Variants in PRR5L observed in about 807,000 individuals in gnomAD.
The protein encoded by PRR5L is proline-rich protein 5-like.
Under a neutral mutation model 36.4 loss-of-function variants are expected in PRR5L, and 21 were observed. The ratio of observed to expected loss-of-function variants is 0.58; its 90% CI spans 0.41 to 0.83. The LOEUF is 0.83. Ranked by LOEUF, PRR5L falls within the 40% of genes least tolerant of loss-of-function variation. The probability of loss-of-function intolerance (pLI) is 0.00; values close to 1 mark genes in which losing one functional copy is unlikely to be tolerated. For synonymous variants in PRR5L, 188 were observed against 197.0 expected (o/e 0.95, Z 0.38); for missense variants, 381 against 473.3 (o/e 0.80, Z 1.81).
intron 1 of PRR5L, among the ~76,000 whole-genome samples, chr11:36,330,329 CTCT>C (rs1366923875): frequency 6.6e-6 from 1 of 152,168 alleles, no homozygotes; most frequent in African/African-American, 2.4e-5. Context: ...AAAATTTTAA[CTCT>C]TCTTCATCAA....
intron 1 of PRR5L, among the ~76,000 whole-genome samples, chr11:36,356,042 G>C (rs1303478798): frequency 6.6e-6 from 1 of 151,832 alleles, no homozygotes. Context: ...CCTTCAAGTA[G>C]CTGGGACTAC....
chr11:36,342,252 T>A (rs1330851022), intron 1 of PRR5L, among the ~76,000 whole-genome samples: 6 of 152,196 alleles, frequency 3.9e-5, no homozygotes, highest in Non-Finnish European at 5.9e-5. Context: ...AACCGTATTA[T>A]TATCACCATT....
intron 1 of PRR5L, among the ~76,000 whole-genome samples, chr11:36,387,038 C>T (rs943063267): frequency 6.6e-6 from 1 of 152,174 alleles, no homozygotes; most frequent in Non-Finnish European, 1.5e-5. Context: ...ATCTAGTCTC[C>T]TATGCTGGCT....
intron 1 of PRR5L, among the ~76,000 whole-genome samples, chr11:36,399,296 C>T (rs1857737630): frequency 1.3e-5 from 2 of 152,268 alleles, no homozygotes; most frequent in South Asian, 4.1e-4. Context: ...AGTCTGCTTT[C>T]CTTAAAAGAA....
intron 1 of PRR5L, among the ~76,000 whole-genome samples, chr11:36,369,722 G>C (rs927108381): frequency 1.3e-5 from 2 of 152,138 alleles, no homozygotes; most frequent in Non-Finnish European, 2.9e-5. Flanking sequence ...AGCCTCCCGA[G>C]TAGCTGGGAC....
chr11:36,462,484 C>T lies in PRR5L; in HGVS notation c.855C>T (p.Gly285=), dbSNP rs1032892909. The T allele has an allele frequency of 6.2e-7, 1 of 1,608,488 alleles. No homozygotes were observed. The highest frequency in any genetic ancestry group is 8.5e-7 in the Non-Finnish European group (1 of 1,176,994). The change falls in exon 9 of 9, where the codon GGC becomes GGT. Residue 285 remains glycine (G), a synonymous_variant. Transcript: ENST00000530639. The part of the protein sequence containing the change: ...QEGEAYLEKC[G]SVRRHTVANA... ...GGGAAGCCTACCTGGAGAAGTGTGG[C>T]AGCGTGCGGCGGCACACGGTGGCCA... is the stretch of plus-strand genomic sequence containing the variant.
At chr11:36,451,436 TTAAC>T in intron 8 of PRR5L, 101 bp downstream of exon 8, 1 of 1,405,550 alleles carries the variant, frequency 7.1e-7, no homozygotes, top group East Asian at 2.3e-5. Context: ...CCAGCACTGT[TTAAC>T]TGAGCACAGC....
At chr11:36,373,672 A>T (rs562585830) in intron 1 of PRR5L, among the ~76,000 whole-genome samples, 1 of 152,214 alleles carries the variant, frequency 6.6e-6, no homozygotes, top group Non-Finnish European at 1.5e-5. Context: ...AAAGAATTTA[A>T]CCTCTTTAAA....
At position 36,401,004 on chromosome 11, in the gene PRR5L, C is replaced by T. The variant is rs970730314; in HGVS notation, c.-118C>T. 6.8e-7 allele frequency: 1 copy of T among 1,469,978 alleles called. No individual in the cohort carries two copies. The highest frequency in any genetic ancestry group is 9.0e-7 in the Non-Finnish European group (1 of 1,109,688). 91.1% of individuals were successfully genotyped at this position (1,469,978 alleles called of 1,614,324 possible). A position where few individuals can be genotyped will look rare whatever the true frequency, so the allele number is the denominator to read the frequency against. On this transcript the variant is annotated 5_prime_UTR_variant, in exon 2 of 9. Coordinates refer to ENST00000530639, the MANE Select transcript of PRR5L (RefSeq NM_001160167.2). ...GCTTCCCTCTCTTTTCAGGTGTTGG[C>T]TACGTTTGTGGTTTTAAGAAAGCCT...
intron 1 of PRR5L, among the ~76,000 whole-genome samples, chr11:36,387,065 C>G (rs572267555): frequency 6.6e-6 from 1 of 152,260 alleles, no homozygotes; most frequent in East Asian, 1.9e-4. Context: ...GTTCTGCCTT[C>G]TGTGTGTTTC....
intron 1 of PRR5L, among the ~76,000 whole-genome samples, chr11:36,365,361 G>A (rs973172403): frequency 2.6e-5 from 4 of 151,958 alleles, no homozygotes; most frequent in African/African-American, 4.8e-5. Flanking sequence ...ATCTCCCCTC[G>A]TCTTATACAG....
rs143087653 is a variant in PRR5L, at chr11:36,430,141, G to GTC, written c.295-1709_295-1708dup. On this transcript the variant is annotated intron_variant, in intron 4 of 8. Coordinates refer to ENST00000530639, the MANE Select transcript of PRR5L (RefSeq NM_001160167.2). ...AAACTACATGGTGGCTGGGTGTGGT[G>GTC]TCTCACACCTGTAATCCCAACACTT... is the stretch of plus-strand genomic sequence containing the variant. 2.0e-3 allele frequency among the ~76,000 whole-genome samples: 311 copies of GTC among 152,214 alleles called. 2 individuals are homozygous for GTC. Among genetic ancestry groups the GTC allele is most frequent in the African/African-American group, 7.3e-3 (304 of 41,538 alleles).
At position 36,462,358 on chromosome 11, in the gene PRR5L, G is replaced by C; in HGVS notation, c.729G>C (p.Arg243Ser). The C allele has an allele frequency of 6.7e-7, 1 of 1,497,126 alleles. No homozygotes were observed. The highest frequency in any genetic ancestry group is 8.9e-7 in the Non-Finnish European group (1 of 1,122,726). 92.7% of individuals were successfully genotyped at this position (1,497,126 alleles called of 1,614,324 possible). ...CTCTTGCAGCCAGGCGGCACTCCAG[G>C]GTCCGGCCCAAGGTGACTGTCCTGA... ...PTYTLARRHS[R>S]VRPKVTVLNY... Residue 243 changes from arginine (R) to serine (S), a missense_variant, in exon 9 of 9, where the codon AGG becomes AGC. By Grantham distance (110) the Arg-to-Ser change is moderately radical. Transcript: ENST00000530639.
chr11:36,428,812 A>G lies in PRR5L; in HGVS notation c.295-3041A>G, dbSNP rs140172288. Among the ~76,000 whole-genome samples, 222 of 152,284 alleles carry G rather than the reference A, an allele frequency of 1.5e-3. 3 individuals carry two copies. Among genetic ancestry groups the G allele is most frequent in the African/African-American group, 5.1e-3 (210 of 41,556 alleles). On this transcript the variant is annotated intron_variant, in intron 4 of 8. Transcript: ENST00000530639. The stretch of plus-strand genomic sequence containing the variant: ...TACTTTAGCCTCCTGGAAAATGGAA[A>G]TGGATCTACTAAATATCATCAAAAT...
intron 1 of PRR5L, among the ~76,000 whole-genome samples, chr11:36,394,972 C>T (rs887046879): frequency 2.6e-5 from 4 of 152,162 alleles, no homozygotes; most frequent in African/African-American, 9.7e-5. Flanking sequence ...GGCTGTACAT[C>T]CTTCAGAGCT....
chr11:36,403,490 T>A, intron 3 of PRR5L, 112 bp downstream of exon 3: 3 of 693,346 alleles, frequency 4.3e-6, no homozygotes, highest in Non-Finnish European at 7.2e-6. Context: ...CCTGCTTGAT[T>A]CTTATTGCTT....
chr11:36,351,475 A>T (rs185027584), intron 1 of PRR5L, among the ~76,000 whole-genome samples: 409 of 30,594 alleles, frequency 0.013, 4 homozygotes, highest in East Asian at 0.12. Context: ...TTATATATAC[A>T]TATATATTTA....
intron 3 of PRR5L, among the ~76,000 whole-genome samples, chr11:36,405,140 G>A (rs943489415): frequency 1.3e-5 from 2 of 152,154 alleles, no homozygotes; most frequent in Non-Finnish European, 2.9e-5. Flanking sequence ...ACCAGCCCAG[G>A]TAGCCCAGGA....
intron 1 of PRR5L, among the ~76,000 whole-genome samples, chr11:36,345,961 T>C (rs1856861003): frequency 1.3e-5 from 2 of 152,230 alleles, no homozygotes; most frequent in Non-Finnish European, 1.5e-5. Flanking sequence ...AAGAGGCTTA[T>C]TGACACAGTG....
Sources: gnomAD v4.1 joint callset for allele counts (sites outside exome capture counted in the v4.1 genomes callset) on GRCh38, gnomAD v4.1.1 for gene constraint, MANE v1.5 for transcripts, NCBI Gene and HGNC (gene_info 2026-07-23, HGNC 2026-07-21) for gene names.